Variants in IGSF11 observed in about 807,000 individuals in gnomAD.
IGSF11 encodes immunoglobulin superfamily member 11.
IGSF11 carries 22 observed loss-of-function variants against 41.0 expected under a neutral mutation model. The ratio of observed to expected loss-of-function variants is 0.54; its 90% CI spans 0.38 to 0.77. IGSF11 has a LOEUF of 0.77. IGSF11 is among the 30% of genes least tolerant of loss of function. The pLI is 0.00. For missense variants in IGSF11, 444 were observed against 530.8 expected, an observed-to-expected ratio of 0.84 and a Z score of 1.61; for synonymous variants, 219 against 201.3, an observed-to-expected ratio of 1.09 and a Z score of -0.74.
intron 1 of IGSF11, among the ~76,000 whole-genome samples, chr3:119,085,568 T>C (rs1426493508): frequency 1.3e-5 from 2 of 152,126 alleles, no homozygotes; most frequent in Non-Finnish European, 2.9e-5. Context: ...AGAGATAGGA[T>C]TCAGAATCTG....
chr3:119,117,304 G>C (rs545015802), intron 1 of IGSF11, among the ~76,000 whole-genome samples: 22 of 152,238 alleles, frequency 1.4e-4, no homozygotes, highest in African/African-American at 5.1e-4. Context: ...AATTTATACA[G>C]GAAAAGGGGT....
intron 1 of IGSF11, among the ~76,000 whole-genome samples, chr3:118,957,977 A>G (rs909571117): frequency 6.6e-6 from 1 of 152,246 alleles, no homozygotes; most frequent in African/African-American, 2.4e-5. Flanking sequence ...ACATTAGCAA[A>G]ATAAGCTAGT....
At chr3:118,905,281 C>T (rs1244600353) in intron 5 of IGSF11, among the ~76,000 whole-genome samples, 3 of 152,098 alleles carry the variant, frequency 2.0e-5, no homozygotes, top group Non-Finnish European at 4.4e-5. Flanking sequence ...AAGGAAAAAA[C>T]ACAAGAAAGT....
intron 1 of IGSF11, among the ~76,000 whole-genome samples, chr3:118,987,878 A>C (rs1028115951): frequency 3.3e-5 from 5 of 152,230 alleles, no homozygotes; most frequent in Admixed American, 2.6e-4. Context: ...GAATAACCAC[A>C]ACTTTCATCT....
chr3:118,949,258 C>T (rs1299691372), intron 1 of IGSF11: 1 of 148,194 alleles, frequency 6.7e-6, no homozygotes, highest in African/African-American at 2.5e-5. Flanking sequence ...AAAATCACAA[C>T]TGCTTAACTC....
intron 1 of IGSF11, among the ~76,000 whole-genome samples, chr3:119,042,754 C>T (rs1941168396): frequency 6.6e-6 from 1 of 152,182 alleles, no homozygotes; most frequent in African/African-American, 2.4e-5. Context: ...CCTGAGAAAC[C>T]TAAGTACCCA....
In IGSF11 at chr3:119,034,661, G is replaced by C; in HGVS notation, c.-79C>G. 6.8e-7 allele frequency: 1 copy of C among 1,466,600 alleles called. No individual in the cohort carries two copies. Among genetic ancestry groups the C allele is most frequent in the South Asian group, 1.4e-5 (1 of 72,612 alleles). The allele number at this position is 1,466,600 out of a possible 1,614,324, so 90.8% of individuals were successfully genotyped here. On this transcript the variant is annotated 5_prime_UTR_variant, in exon 1 of 7. Coordinates refer to ENST00000393775, the MANE Select transcript of IGSF11 (RefSeq NM_001015887.3). ...GAGAGGAGCGGGCGTGAGTCTCCGC[G>C]CTCTTGGGGCAGCCTGGTCCTCCCA...
At chr3:119,026,711 T>C (rs1187889443) in intron 1 of IGSF11, among the ~76,000 whole-genome samples, 10 of 152,226 alleles carry the variant, frequency 6.6e-5, no homozygotes, top group Non-Finnish European at 1.5e-5. Context: ...AAATGGGTAG[T>C]ATAAAACCAC....
At chr3:119,115,137 A>C (rs1354921635) in intron 1 of IGSF11, among the ~76,000 whole-genome samples, 1 of 152,214 alleles carries the variant, frequency 6.6e-6, no homozygotes, top group African/African-American at 2.4e-5. Flanking sequence ...TTGGGTGAGG[A>C]CACAAATCCA....
chr3:118,921,434 T>G (rs960904282), intron 4 of IGSF11, among the ~76,000 whole-genome samples: 1 of 152,132 alleles, frequency 6.6e-6, no homozygotes, highest in African/African-American at 2.4e-5. Flanking sequence ...TAAACAGTAT[T>G]AGGAATGAAA....
chr3:118,975,992 G>A (rs1934054278), intron 1 of IGSF11, among the ~76,000 whole-genome samples: 2 of 151,890 alleles, frequency 1.3e-5, no homozygotes, highest in South Asian at 4.2e-4. Flanking sequence ...TAACAAAGTT[G>A]CACAGGTACC....
At chr3:118,912,477 T>A (rs1940449480) in intron 4 of IGSF11, among the ~76,000 whole-genome samples, 1 of 152,140 alleles carries the variant, frequency 6.6e-6, no homozygotes, top group African/African-American at 2.4e-5. Context: ...TCCAATCATC[T>A]CACTCACCAG....
chr3:119,008,224 A>T (rs1937645385), intron 1 of IGSF11, among the ~76,000 whole-genome samples: 2 of 121,724 alleles, frequency 1.6e-5, no homozygotes, highest in South Asian at 2.6e-4. Flanking sequence ...AATCTCCACA[A>T]AAGAAAAAGC....
chr3:119,059,286 A>G (rs1941975133), intron 1 of IGSF11, among the ~76,000 whole-genome samples: 1 of 152,088 alleles, frequency 6.6e-6, no homozygotes, highest in African/African-American at 2.4e-5. Flanking sequence ...GTTGGAGACC[A>G]TTATTCTATG....
intron 1 of IGSF11, among the ~76,000 whole-genome samples, chr3:119,047,003 A>G (rs1576724866): frequency 6.9e-6 from 1 of 144,990 alleles, no homozygotes; most frequent in East Asian, 2.0e-4. Flanking sequence ...GAAGCGCTAA[A>G]CATGGAAAGG....
chr3:118,991,538 G>A lies in IGSF11; in HGVS notation c.52+42993C>T, dbSNP rs180973531. On this transcript the variant is annotated intron_variant, in intron 1 of 6. Transcript: ENST00000393775. ...TGAATTTAATCTAAATATTCAACAA[G>A]TATACAAAATTAAATATTAAAAAGT... Among the ~76,000 whole-genome samples, 658 of 152,268 alleles carry A rather than the reference G, an allele frequency of 4.3e-3. 17 individuals carry two copies. Among genetic ancestry groups the A allele is most frequent in the Admixed American group, 0.031 (479 of 15,292 alleles).
At chr3:119,016,049 C>T (rs1418480388) in intron 1 of IGSF11, among the ~76,000 whole-genome samples, 1 of 152,114 alleles carries the variant, frequency 6.6e-6, no homozygotes, top group Non-Finnish European at 1.5e-5. Flanking sequence ...CTGAGTAGAC[C>T]AGGCAGAAAG....
upstream of IGSF11, among the ~76,000 whole-genome samples, chr3:119,109,343 T>C (rs1291027372): frequency 6.6e-6 from 1 of 152,044 alleles, no homozygotes; most frequent in African/African-American, 2.4e-5. Context: ...GAGGAATTTA[T>C]CCATTTCTTC....
At chr3:119,129,148 A>G (rs1209139887) in intron 1 of IGSF11, among the ~76,000 whole-genome samples, 2 of 152,030 alleles carry the variant, frequency 1.3e-5, no homozygotes, top group Admixed American at 6.6e-5. Flanking sequence ...CAACAACACC[A>G]GGGCCTGTTG....
Sources: allele counts gnomAD v4.1 joint callset (sites outside exome capture counted in the v4.1 genomes callset), GRCh38; gene constraint gnomAD v4.1.1; transcripts MANE v1.5; gene names NCBI Gene and HGNC (gene_info 2026-07-23, HGNC 2026-07-21).